The following PCDHGB2 variants were observed in gnomAD, a reference collection of about 807,000 sequenced individuals.
The protein encoded by PCDHGB2 is protocadherin gamma-B2.
PCDHGB2 carries 55 observed loss-of-function variants against 59.3 expected under a neutral mutation model. The ratio of observed to expected loss-of-function variants is 0.93; its 90% confidence interval spans 0.75 to 1.16. The LOEUF (loss-of-function observed/expected upper bound fraction) is 1.16. PCDHGB2 is among the 50% of genes most tolerant of loss of function. The probability of loss-of-function intolerance (pLI) is 0.00; values close to 1 mark genes in which losing one functional copy is unlikely to be tolerated. For missense variants in PCDHGB2, 1,228 were observed against 1,198.5 expected, an observed-to-expected ratio of 1.02 and a Z score of -0.36; for synonymous variants, 516 against 512.0, an observed-to-expected ratio of 1.01 and a Z score of -0.11.
intron 1 of PCDHGB2, chr5:141,383,000 C>T (rs1330577304): frequency 6.2e-7 from 1 of 1,613,646 alleles, no homozygotes; most frequent in Non-Finnish European, 8.5e-7. Context: ...ATTCTCTACT[C>T]CGTGTCGGAG....
At chr5:141,423,936 G>A (rs2096792092) in intron 1 of PCDHGB2, 1 of 1,225,102 alleles carries the variant, frequency 8.2e-7, no homozygotes. Context: ...TTGGTTTGAA[G>A]TAAGTTGAAT....
intron 1 of PCDHGB2, among the ~76,000 whole-genome samples, chr5:141,450,013 T>A (rs1178482524): frequency 7.4e-6 from 1 of 135,940 alleles, no homozygotes; most frequent in African/African-American, 3.2e-5. Flanking sequence ...TCTCTTTTTT[T>A]TTTTTTTTTT....
intron 1 of PCDHGB2, chr5:141,394,644 G>C (rs765703225): frequency 1.2e-6 from 2 of 1,613,358 alleles, no homozygotes; most frequent in Admixed American, 3.3e-5. Context: ...CCTGCTCAAG[G>C]CCAGCGAGCC....
In PCDHGB2 at chr5:141,491,737, G is replaced by A; in HGVS notation, c.2422-3070G>A. The A allele has an allele frequency of 6.2e-7, 1 of 1,600,586 alleles. No homozygotes were observed. Among genetic ancestry groups the A allele is most frequent in the Non-Finnish European group, 8.5e-7 (1 of 1,174,266 alleles). On this transcript the variant is annotated intron_variant, in intron 1 of 3. Coordinates refer to ENST00000522605, the MANE Select transcript of PCDHGB2 (RefSeq NM_018923.3). This position sits in a 1 kb window ranked among gnomAD's most constrained non-coding sequence, Gnocchi z 6.9. ...GGCGCCGCCCCGGGCGACCCCTGGG[G>A]GCGGCACTGGAGAAGCCGCCCGTCC...
intron 1 of PCDHGB2, chr5:141,408,105 G>T (rs566753835): frequency 2.6e-5 from 37 of 1,439,788 alleles, no homozygotes; most frequent in Non-Finnish European, 3.2e-5. Flanking sequence ...TCCGAGACCC[G>T]GGACTCCTCC....
At chr5:141,449,198 A>C (rs2098631518) in intron 1 of PCDHGB2, among the ~76,000 whole-genome samples, 1 of 152,188 alleles carries the variant, frequency 6.6e-6, no homozygotes, top group Non-Finnish European at 1.5e-5. Context: ...AAGAAGTGTT[A>C]ATTCTAACTT....
At position 141,486,679 on chromosome 5, in the gene PCDHGB2, A is replaced by G. The variant is rs1416879364; in HGVS notation, c.2422-8128A>G. The G allele has an allele frequency of 6.2e-7, 1 of 1,614,092 alleles. No individual in the cohort carries two copies. The highest frequency in any genetic ancestry group is 1.7e-5 in the Admixed American group (1 of 60,026). On this transcript the variant is annotated intron_variant, in intron 1 of 3. Coordinates refer to ENST00000522605, the MANE Select transcript of PCDHGB2 (RefSeq NM_018923.3). The surrounding 1 kb of genome is among the most constrained non-coding windows in gnomAD (Gnocchi z 5.0). Reference sequence around the variant, plus strand: ...TCCTGGAGCCCAGGAATCGAGATGTATCAGCTTCCTCTTTCATCTCTCTGA... The same window carrying G: ...TCCTGGAGCCCAGGAATCGAGATGTGTCAGCTTCCTCTTTCATCTCTCTGA...
chr5:141,370,216 C>A, intron 1 of PCDHGB2: 1 of 567,976 alleles, frequency 1.8e-6, no homozygotes, highest in Non-Finnish European at 3.0e-6. Context: ...TGGCTCCTCC[C>A]GCTGCAGCCA....
At chr5:141,452,017 C>T (rs181614467) in intron 1 of PCDHGB2, among the ~76,000 whole-genome samples, 10 of 152,344 alleles carry the variant, frequency 6.6e-5, no homozygotes, top group Non-Finnish European at 1.2e-4. Flanking sequence ...CCAGCCCACA[C>T]TCTGGGGAGA....
At chr5:141,433,246 T>C (rs775015156) in intron 1 of PCDHGB2, 1 of 1,462,358 alleles carries the variant, frequency 6.8e-7, no homozygotes, top group Non-Finnish European at 9.3e-7. Flanking sequence ...CAAGCTGGAA[T>C]GCAGCGGTAC....
chr5:141,451,523 A>G (rs1035983001), intron 1 of PCDHGB2, among the ~76,000 whole-genome samples: 1 of 152,200 alleles, frequency 6.6e-6, no homozygotes, highest in African/African-American at 2.4e-5. Flanking sequence ...AGAGCAAGTA[A>G]AGGAGAGTGC....
rs1000775080 is a variant in PCDHGB2 at position 141,487,567 on chromosome 5, G to C, written c.2422-7240G>C. 2 of 1,614,168 alleles carry C rather than the reference G, an allele frequency of 1.2e-6. No individual in the cohort carries two copies. The highest frequency in any genetic ancestry group is 1.7e-6 in the Non-Finnish European group (2 of 1,180,036). ...CACCCAGTGCACCTATGGCAGGGGA[G>C]CCTGTTCGCCCAAGCTGCCCACCCT... On this transcript the variant is annotated intron_variant, in intron 1 of 3. Coordinates refer to ENST00000522605, the MANE Select transcript of PCDHGB2 (RefSeq NM_018923.3). The surrounding 1 kb of genome is among the most constrained non-coding windows in gnomAD (Gnocchi z 5.0).
chr5:141,404,771 C>T lies in PCDHGB2; in HGVS notation c.2421+42215C>T, dbSNP rs376650362. On this transcript the variant is annotated intron_variant, in intron 1 of 3. Coordinates refer to ENST00000522605, the MANE Select transcript of PCDHGB2 (RefSeq NM_018923.3). Reference sequence around the variant, plus strand: ...AGGCCAGAATGCTTGGCTCTCCTACCGCCTATTCAAGGCCAGTGAGCCAGG... The same window carrying T: ...AGGCCAGAATGCTTGGCTCTCCTACTGCCTATTCAAGGCCAGTGAGCCAGG... The T allele has an allele frequency of 3.3e-5, 53 of 1,613,868 alleles. No homozygotes were observed. Among genetic ancestry groups the T allele is most frequent in the African/African-American group, 1.9e-4 (14 of 74,938 alleles).
intron 1 of PCDHGB2, among the ~76,000 whole-genome samples, chr5:141,442,843 G>C (rs1264073611): frequency 2.0e-5 from 3 of 152,134 alleles, no homozygotes; most frequent in African/African-American, 7.2e-5. Flanking sequence ...GACAAATCTT[G>C]GCCATTGTAG....
rs769844077 is a variant in PCDHGB2, at chr5:141,362,022, G to A, written c.1887G>A (p.Ala629=). ...TGCGCACGGGTGAGGTGCGCACAGC[G>A]CGTGCCTTGGGCGACAGGGACGCGG... The part of the protein sequence containing the change: ...LGLRTGEVRT[A]RALGDRDAAR... Residue 629 remains alanine (A), a synonymous_variant, in exon 1 of 4, where the codon GCG becomes GCA. Coordinates refer to ENST00000522605, the MANE Select transcript of PCDHGB2 (RefSeq NM_018923.3). 6.2e-7 allele frequency: 1 copy of A among 1,607,598 alleles called. No individual in the cohort carries two copies. Among genetic ancestry groups the A allele is most frequent in the African/African-American group, 1.3e-5 (1 of 74,796 alleles).
intron 1 of PCDHGB2, chr5:141,427,677 C>T: frequency 1.2e-6 from 1 of 816,672 alleles, no homozygotes; most frequent in Non-Finnish European, 2.1e-6. Flanking sequence ...AAACAACCTT[C>T]CCGGAGCCTC....
At chr5:141,372,599 T>C (rs1768901288) in intron 1 of PCDHGB2, 1 of 1,613,920 alleles carries the variant, frequency 6.2e-7, no homozygotes, top group Non-Finnish European at 8.5e-7. Context: ...GCTTCAAGAC[T>C]GTACCTGGAG....
Position 141,390,134 on chromosome 5 carries a change from C to T in PCDHGB2, c.2421+27578C>T, listed in dbSNP as rs758087998. ...GCGAGGGGACTTTGCCTTATTCCTACAATCTATGTGTTGCACATACAGGAA... is the reference window on the plus strand; with the variant it reads ...GCGAGGGGACTTTGCCTTATTCCTATAATCTATGTGTTGCACATACAGGAA... On this transcript the variant is annotated intron_variant, in intron 1 of 3. Coordinates refer to ENST00000522605, the MANE Select transcript of PCDHGB2 (RefSeq NM_018923.3). The T allele has an allele frequency of 1.2e-5, 20 of 1,613,930 alleles. No homozygotes were observed. The Admixed American group carries it at 1.8e-4, about 15-fold the overall frequency.
At chr5:141,409,960 C>T (rs1182396334) in intron 1 of PCDHGB2, 1 of 1,613,416 alleles carries the variant, frequency 6.2e-7, no homozygotes. Context: ...AGCCCGGCTA[C>T]CTAGTGACTA....
Sources: gnomAD v4.1 joint callset for allele counts (sites outside exome capture counted in the v4.1 genomes callset) on GRCh38, gnomAD v4.1.1 for gene constraint, Gnocchi (gnomAD v3.1) non-coding constraint, MANE v1.5 for transcripts, NCBI Gene and HGNC (gene_info 2026-07-23, HGNC 2026-07-21) for gene names.